PPP3CA: variants seen among roughly 807,000 people sequenced by gnomAD.
PPP3CA encodes the protein CAM-PRP catalytic subunit.
PPP3CA carries 14 observed loss-of-function variants against 66.5 expected under a neutral mutation model. The ratio of observed to expected loss-of-function variants is 0.21; its 90% CI spans 0.14 to 0.33. PPP3CA has a LOEUF of 0.33. Among genes scored for constraint, PPP3CA ranks in the 10% least tolerant of loss-of-function variants. The pLI, the probability that PPP3CA is intolerant of heterozygous loss-of-function variation, is 1.00. For missense variants in PPP3CA, 317 were observed against 639.5 expected (o/e 0.50, Z 5.44); for synonymous variants, 232 against 226.2 (o/e 1.03, Z -0.23).
At chr4:101,167,605 A>G (rs147758339) in intron 2 of PPP3CA, among the ~76,000 whole-genome samples, 10 of 152,310 alleles carry the variant, frequency 6.6e-5, no homozygotes, top group Non-Finnish European at 8.8e-5. Context: ...TCAATGAATG[A>G]TAAGTGCAAT....
chr4:101,314,560 T>C, intron 1 of PPP3CA, among the ~76,000 whole-genome samples: 1 of 97,634 alleles, frequency 1.0e-5, no homozygotes, highest in Non-Finnish European at 1.8e-5. Context: ...CAAGACTCCA[T>C]CTCAAAACCA....
chr4:101,246,633 ACT>A (rs2110239401), intron 1 of PPP3CA, among the ~76,000 whole-genome samples: 1 of 152,148 alleles, frequency 6.6e-6, no homozygotes, highest in Admixed American at 6.6e-5. Flanking sequence ...TCCACATATT[ACT>A]CTGAGTATAA....
rs549180940 is a variant in PPP3CA at position 101,239,527 on chromosome 4, C to G, written c.59-43411G>C. On this transcript the variant is annotated intron_variant, in intron 1 of 13. Transcript: ENST00000394854. ...GGACAATTAGGAAATTTAGTTATCA[C>G]AATTTGGAAGCAAGAAGAATCCACA... is the stretch of plus-strand genomic sequence containing the variant. 9.2e-5 allele frequency among the ~76,000 whole-genome samples: 14 copies of G among 152,058 alleles called. No individual in the cohort carries two copies. The South Asian group carries it at 2.7e-3, about 29-fold the overall frequency.
intron 2 of PPP3CA, among the ~76,000 whole-genome samples, chr4:101,111,585 G>C (rs1005031181): frequency 5.9e-5 from 9 of 152,074 alleles, no homozygotes; most frequent in African/African-American, 2.2e-4. Context: ...TTAATCAAAG[G>C]CATTAGAGGC....
chr4:101,336,869 A>T (rs1729650132), intron 1 of PPP3CA, among the ~76,000 whole-genome samples: 1 of 152,176 alleles, frequency 6.6e-6, no homozygotes, highest in South Asian at 2.1e-4. Flanking sequence ...CATTAGAGAT[A>T]GCCTAAGCTA....
At chr4:101,283,201 T>G (rs553784676) in intron 1 of PPP3CA, among the ~76,000 whole-genome samples, 5 of 152,238 alleles carry the variant, frequency 3.3e-5, no homozygotes, top group Non-Finnish European at 7.3e-5. Context: ...TTCAAACACT[T>G]GGTTTTAACA....
chr4:101,086,423 TTC>T (rs1729677233), intron 6 of PPP3CA, among the ~76,000 whole-genome samples: 1 of 152,160 alleles, frequency 6.6e-6, no homozygotes, highest in Admixed American at 6.5e-5. Flanking sequence ...ATTAGATTAA[TTC>T]TGTTTATTCT....
chr4:101,181,538 T>C (rs1283096270), intron 2 of PPP3CA, among the ~76,000 whole-genome samples: 1 of 152,080 alleles, frequency 6.6e-6, no homozygotes, highest in African/African-American at 2.4e-5. Context: ...ATGCGAATAG[T>C]TTTGTCAATT....
intron 2 of PPP3CA, among the ~76,000 whole-genome samples, chr4:101,191,866 C>T (rs1277443968): frequency 6.6e-6 from 1 of 152,126 alleles, no homozygotes; most frequent in South Asian, 2.1e-4. Context: ...ATGGCAGGCC[C>T]CGGCACTGAG....
intron 1 of PPP3CA, among the ~76,000 whole-genome samples, chr4:101,325,060 A>G (rs1729169784): frequency 1.3e-5 from 2 of 152,186 alleles, no homozygotes; most frequent in Non-Finnish European, 2.9e-5. Context: ...TAGAGAATCT[A>G]ATTTTTTTTA....
At chr4:101,310,357 C>G (rs147724193) in intron 1 of PPP3CA, among the ~76,000 whole-genome samples, 1 of 152,210 alleles carries the variant, frequency 6.6e-6, no homozygotes, top group East Asian at 1.9e-4. Context: ...AAGAGTGATA[C>G]TTGTATCTTG....
At chr4:101,222,867 AAG>A (rs3840155) in intron 1 of PPP3CA, among the ~76,000 whole-genome samples, 25,909 of 151,626 alleles carry the variant, frequency 0.17, 3,242 homozygotes, top group East Asian at 0.33. Flanking sequence ...CACAGTTATC[AAG>A]AGCTAGATTA....
At chr4:101,312,277 T>A (rs141632651) in intron 1 of PPP3CA, among the ~76,000 whole-genome samples, 4 of 152,238 alleles carry the variant, frequency 2.6e-5, no homozygotes, top group African/African-American at 9.6e-5. Context: ...AGTACAGATG[T>A]TCCTCTACTT....
chr4:101,161,106 C>T (rs2659552), intron 2 of PPP3CA, among the ~76,000 whole-genome samples: 80,445 of 151,856 alleles, frequency 0.53, 23,407 homozygotes, highest in African/African-American at 0.76. Context: ...CTTTGTGTTA[C>T]AATTACCTAC....
At position 101,225,131 on chromosome 4, in the gene PPP3CA, C is replaced by G. The variant is rs113271701; in HGVS notation, c.59-29015G>C. Among the ~76,000 whole-genome samples the G allele has an allele frequency of 1.6e-3, 242 of 151,888 alleles. 1 individual carries two copies. Among genetic ancestry groups the G allele is most frequent in the African/African-American group, 5.6e-3 (232 of 41,492 alleles). ...CTGTTCTGAGACTTTCCCTAACCAC[C>G]CTGTTTTAAATGGAACATCTCCCAG... On this transcript the variant is annotated intron_variant, in intron 1 of 13. Coordinates refer to ENST00000394854, the MANE Select transcript of PPP3CA (RefSeq NM_000944.5).
chr4:101,105,465 C>T (rs920259489), intron 3 of PPP3CA, among the ~76,000 whole-genome samples: 6 of 148,778 alleles, frequency 4.0e-5, no homozygotes, highest in African/African-American at 1.5e-4. Flanking sequence ...CACCCAGCAA[C>T]ATCTTTACTT....
intron 2 of PPP3CA, among the ~76,000 whole-genome samples, chr4:101,158,677 T>C (rs977027672): frequency 6.6e-6 from 1 of 152,130 alleles, no homozygotes; most frequent in Non-Finnish European, 1.5e-5. Context: ...CTGGTGCCCA[T>C]AAATAATATC....
At chr4:101,300,276 T>C (rs1396991045) in intron 1 of PPP3CA, among the ~76,000 whole-genome samples, 1 of 152,210 alleles carries the variant, frequency 6.6e-6, no homozygotes, top group East Asian at 1.9e-4. Flanking sequence ...AAACACTTGG[T>C]ATCCAGAAGA....
rs561635227 is a variant in PPP3CA, at chr4:101,345,860, G to A, written c.58+879C>T. Among the ~76,000 whole-genome samples, 95 of 152,348 alleles carry A rather than the reference G, an allele frequency of 6.2e-4. 1 individual carries two copies. The highest frequency in any genetic ancestry group is 9.1e-4 in the Admixed American group (14 of 15,312). On this transcript the variant is annotated intron_variant, in intron 1 of 13. Coordinates refer to ENST00000394854, the MANE Select transcript of PPP3CA (RefSeq NM_000944.5). Reference sequence around the variant, plus strand: ...AGCCCGTTACAAAAAGGATGCCAGGGCACGGAGGAAGCAGGCGGAATGAGG... The same window carrying A: ...AGCCCGTTACAAAAAGGATGCCAGGACACGGAGGAAGCAGGCGGAATGAGG...
Sources: allele counts gnomAD v4.1 joint callset (sites outside exome capture counted in the v4.1 genomes callset), GRCh38; gene constraint gnomAD v4.1.1; transcripts MANE v1.5; gene names NCBI Gene and HGNC (gene_info 2026-07-23, HGNC 2026-07-21).